ESPN: variants seen among roughly 807,000 people sequenced by gnomAD.
ESPN encodes the protein autosomal recessive deafness type 36 protein.
ESPN carries 68 observed loss-of-function variants against 77.7 expected under a neutral mutation model. That is an observed-to-expected ratio of 0.87 (90% CI 0.72 to 1.07). ESPN has a LOEUF of 1.07. Ranked by LOEUF, ESPN falls within the 50% of genes least tolerant of loss-of-function variation. The pLI is 0.00. For synonymous variants in ESPN, 449 were observed against 567.1 expected (o/e 0.79, Z 2.96); for missense variants, 1,060 against 1,239.0 (o/e 0.86, Z 2.17).
chr1:6,452,318 C>T (rs996057624), intron 10 of ESPN, among the ~76,000 whole-genome samples: 24 of 152,098 alleles, frequency 1.6e-4, no homozygotes, highest in African/African-American at 3.1e-4. Flanking sequence ...GATTCTCCTG[C>T]CTCAGCCTCC....
Position 6,459,827 on chromosome 1 carries a change from T to A in ESPN, c.2418-172T>A, listed in dbSNP as rs1423913507. On this transcript the variant is annotated intron_variant, in intron 12 of 12. Transcript: ENST00000645284. Reference sequence around the variant, plus strand: ...GCTCCCCTGTGCTCCAGTAACCCCATTCTGCCCCCAATCTAGCCCCTCTGT... The same window carrying A: ...GCTCCCCTGTGCTCCAGTAACCCCAATCTGCCCCCAATCTAGCCCCTCTGT... Among the ~76,000 whole-genome samples the A allele has an allele frequency of 7.2e-5, 11 of 152,252 alleles. No individual in the cohort carries two copies. In the East Asian group the frequency reaches 1.9e-3, roughly 27 times the overall value.
Position 6,440,404 on chromosome 1 carries a change from G to A in ESPN, c.639G>A (p.Ala213=), listed in dbSNP as rs765149204. ...AHDGMTPLHA[A]AQMGHSPVIV... ...ACGGCATGACCCCGCTGCACGCCGCGGCGCAGATGGGCCACAGCCCAGTCA... is the reference window on the plus strand; with the variant it reads ...ACGGCATGACCCCGCTGCACGCCGCAGCGCAGATGGGCCACAGCCCAGTCA... Residue 213 remains alanine (A), a synonymous_variant, in exon 3 of 13, where the codon GCG becomes GCA. Transcript: ENST00000645284. 6.3e-7 allele frequency: 1 copy of A among 1,577,646 alleles called. No homozygotes were observed. Among genetic ancestry groups the A allele is most frequent in the Non-Finnish European group, 8.6e-7 (1 of 1,164,178 alleles).
At position 6,451,819 on chromosome 1, in the gene ESPN, G is replaced by C; in HGVS notation, c.2062-14G>C. ...AGGCCACCGGGCGCTCAGCCCCACC[G>C]CTTCTCCCTGCAGCCCGATTCGCCG... On this transcript the variant is annotated splice_polypyrimidine_tract_variant and intron_variant, in intron 9 of 12. Coordinates refer to ENST00000645284, the MANE Select transcript of ESPN (RefSeq NM_031475.3). This position sits in a 1 kb window ranked among gnomAD's most constrained non-coding sequence, Gnocchi z 4.3. 6.2e-7 allele frequency: 1 copy of C among 1,610,646 alleles called. No homozygotes were observed. The highest frequency in any genetic ancestry group is 8.5e-7 in the Non-Finnish European group (1 of 1,179,090).
intron 2 of ESPN, among the ~76,000 whole-genome samples, chr1:6,432,847 G>A (rs532084035): frequency 2.2e-4 from 33 of 152,372 alleles, no homozygotes; most frequent in African/African-American, 7.9e-4. Flanking sequence ...GTCCTGCTGG[G>A]TGCGGTGGCT....
intron 2 of ESPN, among the ~76,000 whole-genome samples, chr1:6,432,308 C>G (rs1464011468): frequency 2.6e-5 from 4 of 152,310 alleles, no homozygotes; most frequent in Admixed American, 2.6e-4. Flanking sequence ...TGCCACAGGC[C>G]GTGGGGGCTC....
chr1:6,452,324 C>T (rs1557715914), intron 10 of ESPN, among the ~76,000 whole-genome samples: 1 of 152,192 alleles, frequency 6.6e-6, no homozygotes, highest in Non-Finnish European at 1.5e-5. Context: ...CCTGCCTCAG[C>T]CTCCCAGGTA....
intron 2 of ESPN, among the ~76,000 whole-genome samples, chr1:6,433,437 C>A (rs1390419545): frequency 6.6e-6 from 1 of 151,912 alleles, no homozygotes; most frequent in African/African-American, 2.4e-5. Context: ...GAGCAAGACT[C>A]CATCTCAGGA....
At chr1:6,431,457 A>G (rs571973780) in intron 2 of ESPN, among the ~76,000 whole-genome samples, 1 of 152,086 alleles carries the variant, frequency 6.6e-6, no homozygotes, top group African/African-American at 2.4e-5. Flanking sequence ...AAAAATACAA[A>G]AATTAGCTGG....
chr1:6,448,333 CT>C (rs1348426709), intron 7 of ESPN: 1 of 333,266 alleles, frequency 3.0e-6, no homozygotes, highest in Non-Finnish European at 5.5e-6. Context: ...CCAGCTCCCC[CT>C]GGCGTCGGGG....
rs1466062785 is a variant in ESPN, at chr1:6,451,645, C to T, written c.1958C>T (p.Ser653Leu). The change falls in exon 9 of 13, where the codon TCG (serine) becomes TTG (leucine). Residue 653 changes from serine (S) to leucine (L), a missense_variant. Around this residue, in one of 3 missense-constraint regions of ESPN, gnomAD observed 374 missense variants for 381.4 expected, o/e 0.98. Coordinates refer to ENST00000645284, the MANE Select transcript of ESPN (RefSeq NM_031475.3). This position sits in a 1 kb window ranked among gnomAD's most constrained non-coding sequence, Gnocchi z 4.3. ...FNMMSPTGDN[S>L]ELLAEIKAGK... is the part of the protein sequence containing the mutation. The stretch of plus-strand genomic sequence containing the variant: ...ATGATGTCCCCGACGGGCGACAACT[C>T]GGAGCTACTGGCTGAGATTAAGGCA... The T allele has an allele frequency of 5.0e-6, 8 of 1,613,166 alleles. No individual in the cohort carries two copies. In the Admixed American group the frequency reaches 5.0e-5, roughly 10 times the overall value.
chr1:6,432,525 A>AGC (rs1019353836), intron 2 of ESPN, among the ~76,000 whole-genome samples: 100 of 152,360 alleles, frequency 6.6e-4, no homozygotes, highest in African/African-American at 2.2e-3. Flanking sequence ...TGTCTCCACC[A>AGC]GCAGCTCCTG....
chr1:6,448,371 C>T (rs932673772), intron 7 of ESPN: 3 of 417,082 alleles, frequency 7.2e-6, no homozygotes, highest in African/African-American at 2.1e-5. Flanking sequence ...CTGGGCCCGC[C>T]TCTTCTGGCC....
intron 2 of ESPN, among the ~76,000 whole-genome samples, chr1:6,431,805 TAC>T (rs1447768928): frequency 1.3e-5 from 2 of 152,212 alleles, no homozygotes; most frequent in African/African-American, 4.8e-5. Flanking sequence ...CAGCCCATTT[TAC>T]AGATGGACTC....
Position 6,460,182 on chromosome 1 carries a change from G to T in ESPN, c.*36G>T, listed in dbSNP as rs762597615. 5.0e-6 allele frequency: 8 copies of T among 1,599,240 alleles called. No homozygotes were observed. In the African/African-American group the frequency reaches 5.4e-5, roughly 11 times the overall value. ...CTCCTGTCCGCAGCCTCGCAGCTCC[G>T]TGGGGCCCTCCGCCCCAGCCCCAGC... On this transcript the variant is annotated 3_prime_UTR_variant, in exon 13 of 13. Coordinates refer to ENST00000645284, the MANE Select transcript of ESPN (RefSeq NM_031475.3).
Position 6,428,890 on chromosome 1 carries a change from C to T in ESPN, c.488+471C>T, listed in dbSNP as rs555643429. ...ACCAAGCAGTTAAGGGAGAAAGGCC[C>T]CTCCCAGACCCCCACCCCACCTCCT... On this transcript the variant is annotated intron_variant, in intron 2 of 12. Transcript: ENST00000645284. The surrounding 1 kb of genome is among the most constrained non-coding windows in gnomAD (Gnocchi z 5.4). 6.6e-5 allele frequency among the ~76,000 whole-genome samples: 10 copies of T among 152,300 alleles called. No homozygotes were observed. The highest frequency in any genetic ancestry group is 2.4e-4 in the African/African-American group (10 of 41,578).
At chr1:6,452,170 C>T (rs1435096960) in intron 10 of ESPN, 74 bp downstream of exon 10, 1 of 1,424,702 alleles carries the variant, frequency 7.0e-7, no homozygotes, top group Non-Finnish European at 9.3e-7. Context: ...ACGCCACCCC[C>T]AACCCCAACC....
At chr1:6,454,459 A>AC in intron 10 of ESPN, 1 of 398,444 alleles carries the variant, frequency 2.5e-6, no homozygotes, top group Admixed American at 4.4e-5. Flanking sequence ...TCGTGCTGCT[A>AC]CCCCCGCGAG....
At position 6,437,790 on chromosome 1, in the gene ESPN, C is replaced by T. The variant is rs1643488146; in HGVS notation, c.489-2464C>T. The T allele has an allele frequency of 6.6e-6, 1 of 152,246 alleles. No individual in the cohort carries two copies. Among genetic ancestry groups the T allele is most frequent in the African/African-American group, 2.4e-5 (1 of 41,386 alleles). 9.4% of individuals were successfully genotyped at this position (152,246 alleles called of 1,614,324 possible). A position where few individuals can be genotyped will look rare whatever the true frequency, so the allele number is the denominator to read the frequency against. ...GGGGCTGCAGACAGCCTTGGGGTCT[C>T]AGGAGTCAGGGAAGTAGACAGAGAA... On this transcript the variant is annotated intron_variant, in intron 2 of 12. Transcript: ENST00000645284. This position sits in a 1 kb window ranked among gnomAD's most constrained non-coding sequence, Gnocchi z 4.5.
At chr1:6,456,623 G>T in intron 10 of ESPN, 1 of 206,208 alleles carries the variant, frequency 4.8e-6, no homozygotes, top group South Asian at 1.1e-4. Context: ...GCCGTGTACA[G>T]ACCCGTTCTC....
Sources: allele counts gnomAD v4.1 joint callset (sites outside exome capture counted in the v4.1 genomes callset), GRCh38; gene constraint gnomAD v4.1.1; regional missense constraint gnomAD v4.1.1; non-coding constraint Gnocchi (gnomAD v3.1); transcripts MANE v1.5; gene names NCBI Gene and HGNC (gene_info 2026-07-23, HGNC 2026-07-21).